The following ELAVL4 variants were observed in gnomAD, a reference collection of about 807,000 sequenced individuals.
The protein encoded by ELAVL4 is ELAV like RNA binding protein 4.
A neutral mutation model predicts 35.6 loss-of-function variants in ELAVL4; 1 was observed. The ratio of observed to expected loss-of-function variants is 0.03; its 90% confidence interval spans 0.01 to 0.13. The LOEUF is 0.13. Ranked by LOEUF, ELAVL4 falls within the 10% of genes least tolerant of loss-of-function variation. The pLI is 1.00. For synonymous variants in ELAVL4, 156 were observed against 171.0 expected (o/e 0.91, Z 0.69); for missense variants, 267 against 464.9 (o/e 0.57, Z 3.91).
intron 6 of ELAVL4, among the ~76,000 whole-genome samples, chr1:50,197,778 C>T (rs555132368): frequency 5.5e-4 from 84 of 152,332 alleles, no homozygotes; most frequent in Middle Eastern, 6.8e-3. Flanking sequence ...GGAAAGGCTC[C>T]GACTCTTTGC....
At chr1:50,066,085 G>A (rs1664250026) in intron 1 of ELAVL4, among the ~76,000 whole-genome samples, 1 of 152,178 alleles carries the variant, frequency 6.6e-6, no homozygotes, top group Admixed American at 6.5e-5. Context: ...GATCTGCAAA[G>A]TCACATTGCA....
intron 1 of ELAVL4, among the ~76,000 whole-genome samples, chr1:50,056,755 A>G (rs1663695291): frequency 6.6e-6 from 1 of 152,144 alleles, no homozygotes; most frequent in Non-Finnish European, 1.5e-5. Context: ...AACACGGTGA[A>G]ACTCCATCTC....
intron 2 of ELAVL4, among the ~76,000 whole-genome samples, chr1:50,168,674 C>A (rs1557823352): frequency 6.6e-6 from 1 of 152,082 alleles, no homozygotes; most frequent in African/African-American, 2.4e-5. Flanking sequence ...AAACTCCTTG[C>A]CACTCACGAG....
At position 50,156,083 on chromosome 1, in the gene ELAVL4, G is replaced by A. The variant is rs553758760; in HGVS notation, c.250+10886G>A. Among the ~76,000 whole-genome samples the A allele has an allele frequency of 6.2e-4, 94 of 151,770 alleles. 1 individual carries two copies. The highest frequency in any genetic ancestry group is 2.0e-3 in the African/African-American group (83 of 41,388). On this transcript the variant is annotated intron_variant, in intron 2 of 6. Coordinates refer to ENST00000371824, the MANE Select transcript of ELAVL4 (RefSeq NM_001144774.3). The stretch of plus-strand genomic sequence containing the variant: ...AAACACTTTTCTGGCAGGCATGTGC[G>A]CACGCAGGCACACACACAAACACAT...
intron 1 of ELAVL4, among the ~76,000 whole-genome samples, chr1:50,126,956 G>T (rs1670030304): frequency 6.6e-6 from 1 of 151,938 alleles, no homozygotes; most frequent in Non-Finnish European, 1.5e-5. Flanking sequence ...GAATTTATTT[G>T]ACCCCCTTGA....
intron 1 of ELAVL4, among the ~76,000 whole-genome samples, chr1:50,060,903 G>C (rs891272835): frequency 6.6e-6 from 1 of 152,178 alleles, no homozygotes; most frequent in Non-Finnish European, 1.5e-5. Context: ...CCTCATTCAA[G>C]ATAATTTTTC....
At chr1:50,062,914 T>G (rs1448080529) in intron 1 of ELAVL4, among the ~76,000 whole-genome samples, 2 of 152,162 alleles carry the variant, frequency 1.3e-5, no homozygotes, top group Non-Finnish European at 2.9e-5. Flanking sequence ...GTTTGTTAAG[T>G]CTACCAACCC....
At chr1:50,069,466 T>G (rs1242526386) in intron 1 of ELAVL4, among the ~76,000 whole-genome samples, 1 of 152,232 alleles carries the variant, frequency 6.6e-6, no homozygotes, top group African/African-American at 2.4e-5. Context: ...TGGGTGCCTG[T>G]GATCTATTTG....
At chr1:50,168,963 T>C (rs113605016) in intron 2 of ELAVL4, among the ~76,000 whole-genome samples, 126 of 147,874 alleles carry the variant, frequency 8.5e-4, no homozygotes, top group African/African-American at 2.3e-3. Context: ...TATATATATA[T>C]ACACACACAC....
At chr1:50,076,040 GCTGGCCTCAAACTC>G (rs1217635548) in intron 1 of ELAVL4, among the ~76,000 whole-genome samples, 1 of 152,130 alleles carries the variant, frequency 6.6e-6, no homozygotes, top group Non-Finnish European at 1.5e-5. Context: ...TGTTGGCCAG[GCTGGCCTCAAACTC>G]CTGGCCTCAA....
chr1:50,185,244 T>A (rs187082625), intron 3 of ELAVL4, among the ~76,000 whole-genome samples: 1 of 152,176 alleles, frequency 6.6e-6, no homozygotes, highest in Non-Finnish European at 1.5e-5. Flanking sequence ...TTTTGTCCAT[T>A]CAAAAGAGCT....
chr1:50,128,482 C>T lies in ELAVL4; in HGVS notation c.10-16475C>T, dbSNP rs577737352. On this transcript the variant is annotated intron_variant, in intron 1 of 6. Coordinates refer to ENST00000371824, the MANE Select transcript of ELAVL4 (RefSeq NM_001144774.3). ...TCTACCAGCAAAATCATGAGCTCTG[C>T]GCTGTTCCCTGGGATTACAAATGAA... Among the ~76,000 whole-genome samples, 64 of 152,192 alleles carry T rather than the reference C, an allele frequency of 4.2e-4. 1 individual carries two copies. The South Asian group carries it at 7.9e-3, about 19-fold the overall frequency.
intron 2 of ELAVL4, among the ~76,000 whole-genome samples, chr1:50,169,271 C>G (rs1377379335): frequency 1.3e-5 from 2 of 152,046 alleles, no homozygotes; most frequent in Non-Finnish European, 2.9e-5. Flanking sequence ...ATCTGCCTTC[C>G]CCAGCCCACT....
At chr1:50,160,127 A>T (rs1003557324) in intron 2 of ELAVL4, among the ~76,000 whole-genome samples, 2 of 152,176 alleles carry the variant, frequency 1.3e-5, no homozygotes, top group Admixed American at 1.3e-4. Flanking sequence ...CTGAGCCATT[A>T]GAAGGTCTTC....
upstream of ELAVL4, among the ~76,000 whole-genome samples, chr1:50,103,305 A>G (rs984920114): frequency 2.0e-5 from 3 of 152,248 alleles, no homozygotes; most frequent in Admixed American, 6.5e-5. Context: ...CAGGTCATAT[A>G]TCTCACAGAG....
chr1:50,134,301 C>T (rs1671533836), intron 1 of ELAVL4, among the ~76,000 whole-genome samples: 1 of 152,096 alleles, frequency 6.6e-6, no homozygotes, highest in Admixed American at 6.6e-5. Context: ...ATTGTTTATG[C>T]ATTTAATTGG....
Position 50,076,642 on chromosome 1 carries a change from A to G in ELAVL4, c.18+28460A>G, listed in dbSNP as rs549577873. Among the ~76,000 whole-genome samples the G allele has an allele frequency of 3.3e-5, 5 of 152,258 alleles. No individual in the cohort carries two copies. In the South Asian group the frequency reaches 1.0e-3, roughly 32 times the overall value. On this transcript the variant is annotated intron_variant, in intron 1 of 6. Transcript: ENST00000448907. ...CCTGGAGGCAAAAATGTGTAAGGAA[A>G]TGTCTGACATGAGATAGACCTGGGC... is the stretch of plus-strand genomic sequence containing the variant.
chr1:50,139,689 G>A lies in ELAVL4; in HGVS notation c.10-5268G>A, dbSNP rs148199039. ...ATAAAAGGAGCCTGGATTGTGTTGA[G>A]AGAGGTGCCAGAAGGGAACAGAGGG... On this transcript the variant is annotated intron_variant, in intron 1 of 6. Transcript: ENST00000371824. Among the ~76,000 whole-genome samples the A allele has an allele frequency of 3.2e-3, 490 of 152,266 alleles. 7 individuals carry two copies. Among genetic ancestry groups the A allele is most frequent in the African/African-American group, 0.011 (467 of 41,552 alleles).
At chr1:50,114,191 T>A (rs1285222811) in intron 1 of ELAVL4, among the ~76,000 whole-genome samples, 1 of 152,098 alleles carries the variant, frequency 6.6e-6, no homozygotes, top group Non-Finnish European at 1.5e-5. Context: ...GGCCTGGGTA[T>A]GAATTAAAAT....
Sources: gnomAD v4.1 joint callset for allele counts (sites outside exome capture counted in the v4.1 genomes callset) on GRCh38, gnomAD v4.1.1 for gene constraint, MANE v1.5 for transcripts, NCBI Gene and HGNC (gene_info 2026-07-23, HGNC 2026-07-21) for gene names.